The following DCHS1 variants were observed in gnomAD, a reference collection of about 807,000 sequenced individuals.
DCHS1 encodes protocadherin-16.
Under a neutral mutation model 213.9 loss-of-function variants are expected in DCHS1, and 78 were observed. The ratio of observed to expected loss-of-function variants is 0.36; its 90% CI spans 0.30 to 0.44. The LOEUF is 0.44. DCHS1 is among the 20% of genes least tolerant of loss of function. The pLI is 1.00. For synonymous variants in DCHS1, 1,828 were observed against 1,873.7 expected (o/e 0.98, Z 0.63); for missense variants, 3,946 against 4,395.9 (o/e 0.90, Z 2.89).
Position 6,632,952 on chromosome 11 carries a change from G to A in DCHS1, c.2560C>T (p.Arg854Trp), listed in dbSNP as rs906198549. 6.8e-6 allele frequency: 11 copies of A among 1,614,028 alleles called. No individual in the cohort carries two copies. The highest frequency in any genetic ancestry group is 3.3e-5 in the Admixed American group (2 of 60,024). Residue 854 changes from arginine to tryptophan, a missense_variant, in exon 6 of 21, where the codon CGG becomes TGG. Transcript: ENST00000299441. The surrounding 1 kb of genome is among the most constrained non-coding windows in gnomAD (Gnocchi z 5.9). The stretch of plus-strand genomic sequence containing the variant: ...TCCAACACTGGTCCCAGTAGCTCCC[G>A]GTCCAGAGGGCGAAGTGTTTGCAAC... ...GLLQTLRPLD[R>W]ELLGPVLELE... is the part of the protein sequence containing the mutation.
chr11:6,625,535 TG>T lies in DCHS1; in HGVS notation c.6863-55del. The T allele has an allele frequency of 1.2e-6, 2 of 1,611,472 alleles. No homozygotes were observed. The highest frequency in any genetic ancestry group is 1.3e-5 in the African/African-American group (1 of 74,846). ...CAATGGACACAGCCCCACCTTGAGC[TG>T]CAGGGTGGAGAAAAATGTCTCTCTG... On this transcript the variant is annotated intron_variant, in intron 18 of 20. Transcript: ENST00000299441. The surrounding 1 kb of genome is among the most constrained non-coding windows in gnomAD (Gnocchi z 5.3).
rs140770812 is a variant in DCHS1 at position 6,633,684 on chromosome 11, A to C, written c.2219-36T>G. The stretch of plus-strand genomic sequence containing the variant: ...GAATAGAAGCAGAGATATATAAGGA[A>C]ACATAATAGGGCTAGAAAGGTTATG... On this transcript the variant is annotated intron_variant, in intron 4 of 20. Transcript: ENST00000299441. 1.9e-4 allele frequency: 305 copies of C among 1,610,268 alleles called. 1 individual carries two copies. The African/African-American group carries it at 2.9e-3, about 16-fold the overall frequency.
In DCHS1 at chr11:6,639,957, C is replaced by A. The variant is rs552437377; in HGVS notation, c.1657G>T (p.Gly553Cys). 1.2e-6 allele frequency: 2 copies of A among 1,614,012 alleles called. No individual in the cohort carries two copies. The highest frequency in any genetic ancestry group is 2.7e-5 in the African/African-American group (2 of 75,040). ...QPQLIVVATD[G>C]GLPPLASSAT... Reference sequence around the variant, plus strand: ...GAGGAGGCTAGAGGGGGCAGGCCACCATCTGTGGCCACCACAATCAGCTGT... The same window carrying A: ...GAGGAGGCTAGAGGGGGCAGGCCACAATCTGTGGCCACCACAATCAGCTGT... The change falls in exon 2 of 21, where the codon GGT (glycine) becomes TGT (cysteine). Residue 553 changes from glycine (G) to cysteine (C), a missense_variant. By Grantham distance (159) the Gly-to-Cys change is radical. Coordinates refer to ENST00000299441, the MANE Select transcript of DCHS1 (RefSeq NM_003737.4).
chr11:6,646,891 G>A (rs1856165345), intron 1 of DCHS1, among the ~76,000 whole-genome samples: 1 of 152,158 alleles, frequency 6.6e-6, no homozygotes, highest in South Asian at 2.1e-4. Context: ...GGGGGAACAT[G>A]GGAGAGGAAA....
At position 6,632,308 on chromosome 11, in the gene DCHS1, G is replaced by A. The variant is rs368240912; in HGVS notation, c.3204C>T (p.Tyr1068=). 6.2e-7 allele frequency: 1 copy of A among 1,613,846 alleles called. No individual in the cohort carries two copies. Among genetic ancestry groups the A allele is most frequent in the Non-Finnish European group, 8.5e-7 (1 of 1,179,872 alleles). The stretch of plus-strand genomic sequence containing the variant: ...CAGACACTGCCATTACCTTCAGTAT[G>A]TACAATTCCTGGGCCTCACGGTCTA... The part of the protein sequence containing the change: ...AALDREAQEL[Y]ILKVMAVSGS... The change falls in exon 6 of 21, where the codon TAC becomes TAT. Residue 1068 remains tyrosine (Y), a synonymous_variant. Transcript: ENST00000299441. This position sits in a 1 kb window ranked among gnomAD's most constrained non-coding sequence, Gnocchi z 5.9.
rs760381368 is a variant in DCHS1 at position 6,623,314 on chromosome 11, C to T, written c.8362G>A (p.Ala2788Thr). 23 of 1,590,496 alleles carry T rather than the reference C, an allele frequency of 1.4e-5. No homozygotes were observed. The change falls in exon 21 of 21, where the codon GCT becomes ACT. Residue 2788 changes from alanine to threonine, a missense_variant. By Grantham distance (58) the Ala-to-Thr change is moderately conservative. This residue lies in a region of DCHS1 where 3,384 missense variants were observed against 3,780.1 expected (regional missense o/e 0.90). Transcript: ENST00000299441. ...GAGGCTGAGAGATTCCCAGCATCAG[C>T]AGCACCCACCAGCAGCCGGAAGCTT... ...TESFRLLVGA[A>T]DAGNLSASVT...
At position 6,640,643 on chromosome 11, in the gene DCHS1, T is replaced by C; in HGVS notation, c.971A>G (p.Gln324Arg). 1 of 1,612,396 alleles carries C rather than the reference T, an allele frequency of 6.2e-7. No individual in the cohort carries two copies. Residue 324 changes from glutamine (Q) to arginine (R), a missense_variant, in exon 2 of 21, where the codon CAG becomes CGG. Coordinates refer to ENST00000299441, the MANE Select transcript of DCHS1 (RefSeq NM_003737.4). The surrounding 1 kb of genome is among the most constrained non-coding windows in gnomAD (Gnocchi z 6.5). ...LQLERPLDFE[Q>R]RRVHELVVQA... is the part of the protein sequence containing the mutation. ...CACCACCAGTTCATGGACCCGCCGCTGCTCAAAGTCCAGTGGCCGCTCTAA... is the reference window on the plus strand; with the variant it reads ...CACCACCAGTTCATGGACCCGCCGCCGCTCAAAGTCCAGTGGCCGCTCTAA...
chr11:6,637,916 A>G (rs1856009008), intron 2 of DCHS1, among the ~76,000 whole-genome samples: 2 of 152,154 alleles, frequency 1.3e-5, no homozygotes, highest in Admixed American at 1.3e-4. Flanking sequence ...TCAAACATTA[A>G]GACTTCTTGT....
intron 5 of DCHS1, 57 bp from the exon 6 acceptor site, chr11:6,633,113 G>A: frequency 6.5e-7 from 1 of 1,542,496 alleles, no homozygotes; most frequent in Non-Finnish European, 8.8e-7. Flanking sequence ...ATTGAGTCAG[G>A]ACCCAGAGTC....
chr11:6,654,015 T>A lies in DCHS1; in HGVS notation c.-121+1548A>T, dbSNP rs183146793. Among the ~76,000 whole-genome samples the A allele has an allele frequency of 7.9e-5, 12 of 151,590 alleles. No homozygotes were observed. In the East Asian group the frequency reaches 2.1e-3, roughly 27 times the overall value. On this transcript the variant is annotated intron_variant, in intron 1 of 20. Transcript: ENST00000299441. ...AGGAAGGTAACAGGAGCTAAGGAGG[T>A]CAAGAATCTGTGAAGCTGTGGTGTT...
intron 12 of DCHS1, 116 bp downstream of exon 12, chr11:6,629,336 G>A (rs1005667726): frequency 1.4e-6 from 2 of 1,408,750 alleles, no homozygotes; most frequent in Non-Finnish European, 1.9e-6. Context: ...AACATAACAG[G>A]AGCTTTGTGG....
chr11:6,634,183 T>G lies in DCHS1; in HGVS notation c.1921A>C (p.Thr641Pro). Residue 641 changes from threonine (T) to proline (P), a missense_variant, in exon 3 of 21, where the codon ACC (threonine) becomes CCC (proline). Transcript: ENST00000299441. ...CCCTGGTCACGGTCCAGGGTCCGGG[T>G]TGTGCACACATCACCGCTGTGGGCA... ...IDAHSGDVCT[T>P]RTLDRDQGPS... 6.2e-7 allele frequency: 1 copy of G among 1,613,684 alleles called. No individual in the cohort carries two copies. Among genetic ancestry groups the G allele is most frequent in the South Asian group, 1.1e-5 (1 of 91,024 alleles).
In DCHS1 at chr11:6,622,107, G is replaced by C. The variant is rs763987147; in HGVS notation, c.9569C>G (p.Ala3190Gly). The change falls in exon 21 of 21, where the codon GCT (alanine) becomes GGT (glycine). Residue 3190 changes from alanine to glycine, a missense_variant. Ala to Gly is a moderately conservative substitution (Grantham distance 60). This residue lies in a region of DCHS1 where 554 missense variants were observed against 590.2 expected (regional missense o/e 0.94). Transcript: ENST00000299441. This position sits in a 1 kb window ranked among gnomAD's most constrained non-coding sequence, Gnocchi z 5.4. ...ACGGGGAGCTGGGGGACATGGCCGA[G>C]CTTCATCCTTGAGCCGAGCGATCTC... Reference protein sequence around the residue: ...FTEIARLKDEARPCPPAPRID... With the variant: ...FTEIARLKDEGRPCPPAPRID... 6.2e-7 allele frequency: 1 copy of C among 1,613,294 alleles called. No homozygotes were observed.
In DCHS1 at chr11:6,632,169, C is replaced by T; in HGVS notation, c.3343G>A (p.Ala1115Thr). ...LSEDPTFLAV[A>T]ENQPPGTSVG... ...CTGGTCCCTGGGGGCTGGTTCTCAG[C>T]CACAGCCAGGAAGGTGGGATCCTCA... is the stretch of plus-strand genomic sequence containing the variant. The change falls in exon 6 of 21, where the codon GCT becomes ACT. Residue 1115 changes from alanine to threonine, a missense_variant. Physicochemically the swap from Ala to Thr is moderately conservative, Grantham distance 58 (BLOSUM62 0). Around this residue, in one of 3 missense-constraint regions of DCHS1, gnomAD observed 3,384 missense variants for 3,780.1 expected, o/e 0.90. Coordinates refer to ENST00000299441, the MANE Select transcript of DCHS1 (RefSeq NM_003737.4). The surrounding 1 kb of genome is among the most constrained non-coding windows in gnomAD (Gnocchi z 5.9). 2 of 1,597,078 alleles carry T rather than the reference C, an allele frequency of 1.3e-6. No individual in the cohort carries two copies. The highest frequency in any genetic ancestry group is 1.7e-6 in the Non-Finnish European group (2 of 1,168,404).
chr11:6,628,185 T>C lies in DCHS1; in HGVS notation c.5371+436A>G, dbSNP rs1171513450. Among the ~76,000 whole-genome samples the C allele has an allele frequency of 1.3e-5, 2 of 152,248 alleles. No individual in the cohort carries two copies. The highest frequency in any genetic ancestry group is 6.5e-5 in the Admixed American group (1 of 15,284). ...CAAATTGTTACTTGAAATCTTAGTATTTCCTTGTGCTTACACAGAAATACT... is the reference window on the plus strand; with the variant it reads ...CAAATTGTTACTTGAAATCTTAGTACTTCCTTGTGCTTACACAGAAATACT... On this transcript the variant is annotated intron_variant, in intron 13 of 20. Transcript: ENST00000299441. This position sits in a 1 kb window ranked among gnomAD's most constrained non-coding sequence, Gnocchi z 4.3.
rs1315625717 is a variant in DCHS1, at chr11:6,632,666, T to C, written c.2846A>G (p.His949Arg). The C allele has an allele frequency of 1.3e-6, 2 of 1,573,762 alleles. No individual in the cohort carries two copies. Among genetic ancestry groups the C allele is most frequent in the Admixed American group, 1.9e-5 (1 of 53,576 alleles). ...GAFTVDPTTG[H>R]VRLMRPLGPS... ...CCCCAGAGGCCTCATAAGCCGTACA[T>C]GGCCTGTGGTGGGGTCCACGGTGAA... The change falls in exon 6 of 21, where the codon CAT becomes CGT. Residue 949 changes from histidine to arginine, a missense_variant. Physicochemically the swap from His to Arg is conservative, Grantham distance 29. Coordinates refer to ENST00000299441, the MANE Select transcript of DCHS1 (RefSeq NM_003737.4). The surrounding 1 kb of genome is among the most constrained non-coding windows in gnomAD (Gnocchi z 5.9).
chr11:6,628,689 G>C lies in DCHS1; in HGVS notation c.5303C>G (p.Thr1768Ser). 6.2e-7 allele frequency: 1 copy of C among 1,614,014 alleles called. No homozygotes were observed. The highest frequency in any genetic ancestry group is 8.5e-7 in the Non-Finnish European group (1 of 1,179,906). The change falls in exon 13 of 21, where the codon ACC becomes AGC. Residue 1768 changes from threonine to serine, a missense_variant. This residue lies in a region of DCHS1 where 3,384 missense variants were observed against 3,780.1 expected (regional missense o/e 0.90). Coordinates refer to ENST00000299441, the MANE Select transcript of DCHS1 (RefSeq NM_003737.4). This position sits in a 1 kb window ranked among gnomAD's most constrained non-coding sequence, Gnocchi z 4.3. ...ATCAGAGGCCCGAAGCATGGTAAGG[G>C]TCTGGGGGTCCTGGCCCTCAGGCAC... ...LEVPEGQDPQ[T>S]LTMLRASDPD...
rs1040504901 is a variant in DCHS1, at chr11:6,630,918, T to C, written c.3931-55A>G. 350 of 1,493,808 alleles carry C rather than the reference T, an allele frequency of 2.3e-4. 2 individuals are homozygous for C. In the Middle Eastern group the frequency reaches 4.8e-3, roughly 20 times the overall value. The allele number at this position is 1,493,808 out of a possible 1,614,324, so 92.5% of individuals were successfully genotyped here. On this transcript the variant is annotated intron_variant, in intron 9 of 20. Coordinates refer to ENST00000299441, the MANE Select transcript of DCHS1 (RefSeq NM_003737.4). ...TTGTGAGGGCCCGTGTAAAAGGGGA[T>C]CTGGGCTGGCTTCCCAGGTGGTAGG...
At chr11:6,648,047 G>A (rs989394699) in intron 1 of DCHS1, among the ~76,000 whole-genome samples, 11 of 152,162 alleles carry the variant, frequency 7.2e-5, no homozygotes, top group African/African-American at 2.4e-4. Context: ...TTACTAAAGT[G>A]GTTCCATTTG....
Sources: allele counts gnomAD v4.1 joint callset (sites outside exome capture counted in the v4.1 genomes callset), GRCh38; gene constraint gnomAD v4.1.1; regional missense constraint gnomAD v4.1.1; non-coding constraint Gnocchi (gnomAD v3.1); transcripts MANE v1.5; gene names NCBI Gene and HGNC (gene_info 2026-07-23, HGNC 2026-07-21).